The following SKOR2 variants were observed in gnomAD, a reference collection of about 807,000 sequenced individuals.
The protein encoded by SKOR2 is SKI family transcriptional corepressor 2.
A neutral mutation model predicts 69.1 loss-of-function variants in SKOR2; 47 were observed. That is an observed-to-expected ratio of 0.68 (90% CI 0.54 to 0.87). The LOEUF is 0.87. Among genes scored for constraint, SKOR2 ranks in the 40% least tolerant of loss-of-function variants. The pLI is 0.00. For synonymous variants in SKOR2, 717 were observed against 672.6 expected, an observed-to-expected ratio of 1.07 and a Z score of -1.02; for missense variants, 1,404 against 1,472.2, an observed-to-expected ratio of 0.95 and a Z score of 0.76.
At chr18:47,229,627 C>T (rs2064190248) in intron 6 of SKOR2, among the ~76,000 whole-genome samples, 1 of 151,948 alleles carries the variant, frequency 6.6e-6, no homozygotes, top group African/African-American at 2.4e-5. Flanking sequence ...GCACTCCAGC[C>T]TGGGTGACAG....
In SKOR2 at chr18:47,229,865, CAG is replaced by C. The variant is rs371016134; in HGVS notation, c.2917+592_2917+593del. Among the ~76,000 whole-genome samples, 25 of 152,246 alleles carry C rather than the reference CAG, an allele frequency of 1.6e-4. 1 individual carries two copies. The East Asian group carries it at 4.2e-3, about 26-fold the overall frequency. ...TCCAAGACTCTGGGAGTAGAACTAA[CAG>C]TTTTTAGGCTACAATATCTCCTGCC... On this transcript the variant is annotated intron_variant, in intron 6 of 8. Coordinates refer to ENST00000425639, the MANE Select transcript of SKOR2 (RefSeq NM_001278063.4).
At position 47,246,822 on chromosome 18, in the gene SKOR2, G is replaced by A; in HGVS notation, c.2362C>T (p.Leu788Phe). 6.9e-7 allele frequency: 1 copy of A among 1,456,306 alleles called. No homozygotes were observed. Among genetic ancestry groups the A allele is most frequent in the Non-Finnish European group, 9.0e-7 (1 of 1,111,532 alleles). The allele number at this position is 1,456,306 out of a possible 1,614,324, so 90.2% of individuals were successfully genotyped here. A position where few individuals can be genotyped will look rare whatever the true frequency, so the allele number is the denominator to read the frequency against. ...TTCTCCGACGGCCCTCGGCCCTGGAGGAACCGGCCGCCCCCGACTAAGGGG... is the reference window on the plus strand; with the variant it reads ...TTCTCCGACGGCCCTCGGCCCTGGAAGAACCGGCCGCCCCCGACTAAGGGG... ...GDPLVGGGRF[L>F]QGRGPSEKGS... Residue 788 changes from leucine (L) to phenylalanine (F), a missense_variant, in exon 2 of 9, where the codon CTC becomes TTC. By Grantham distance (22) the Leu-to-Phe change is conservative. This residue lies in a region of SKOR2 where 1,266 missense variants were observed against 1,309.9 expected (regional missense o/e 0.97). Coordinates refer to ENST00000425639, the MANE Select transcript of SKOR2 (RefSeq NM_001278063.4).
At chr18:47,224,575 C>A (rs988383965) in intron 6 of SKOR2, among the ~76,000 whole-genome samples, 6 of 151,930 alleles carry the variant, frequency 3.9e-5, no homozygotes, top group Admixed American at 6.5e-5. Context: ...AATTTGTTTA[C>A]AAATGTCTTC....
At chr18:47,226,441 G>A (rs546042305) in intron 6 of SKOR2, among the ~76,000 whole-genome samples, 3 of 152,260 alleles carry the variant, frequency 2.0e-5, no homozygotes, top group African/African-American at 7.2e-5. Context: ...TCATCTCAAA[G>A]TAACCTTGAT....
At position 47,247,053 on chromosome 18, in the gene SKOR2, G is replaced by A. The variant is rs767585298; in HGVS notation, c.2131C>T (p.Pro711Ser). The A allele has an allele frequency of 3.4e-6, 5 of 1,469,262 alleles. No individual in the cohort carries two copies. The South Asian group carries it at 5.2e-5, about 15-fold the overall frequency. The allele number at this position is 1,469,262 out of a possible 1,614,324, so 91.0% of individuals were successfully genotyped here. ...PPPPPPLAQHPHHRGLLSPGG... is the reference protein window; with the variant it reads ...PPPPPPLAQHSHHRGLLSPGG... ...GGAGACAGAAGGCCTCGGTGGTGCG[G>A]GTGCTGGGCCAGAGGGGGCGGCGGG... Residue 711 changes from proline to serine, a missense_variant, in exon 2 of 9, where the codon CCG becomes TCG. Coordinates refer to ENST00000425639, the MANE Select transcript of SKOR2 (RefSeq NM_001278063.4). This position sits in a 1 kb window ranked among gnomAD's most constrained non-coding sequence, Gnocchi z 6.6.
chr18:47,237,810 C>G (rs921659669), intron 4 of SKOR2, among the ~76,000 whole-genome samples: 6 of 151,674 alleles, frequency 4.0e-5, no homozygotes, highest in Non-Finnish European at 7.4e-5. Flanking sequence ...GATCCTCCCA[C>G]TTCAGCCTCC....
At chr18:47,240,393 T>C (rs1028898134) in intron 4 of SKOR2, among the ~76,000 whole-genome samples, 1 of 152,240 alleles carries the variant, frequency 6.6e-6, no homozygotes, top group Non-Finnish European at 1.5e-5. Context: ...GGAAATACTG[T>C]CATTTATATT....
chr18:47,210,191 CAG>C (rs768654127), intron 8 of SKOR2, among the ~76,000 whole-genome samples: 29 of 152,110 alleles, frequency 1.9e-4, no homozygotes, highest in Non-Finnish European at 1.2e-4. Context: ...AGTTCAAAAA[CAG>C]ACAAAGTTTT....
chr18:47,248,422 G>T lies in SKOR2; in HGVS notation c.762C>A (p.His254Gln). ...CGGCCGCCTTCACAGAGCTGAGCGGGTGGCAGGCGGGGTGCGCGCCCGGCT... is the reference window on the plus strand; with the variant it reads ...CGGCCGCCTTCACAGAGCTGAGCGGTTGGCAGGCGGGGTGCGCGCCCGGCT... ...LPQPGAHPAC[H>Q]PLSSVKAAAV... Residue 254 changes from histidine (H) to glutamine (Q), a missense_variant, in exon 2 of 9, where the codon CAC becomes CAA. By Grantham distance (24) the His-to-Gln change is conservative. This residue lies in a region of SKOR2 where 1,266 missense variants were observed against 1,309.9 expected (regional missense o/e 0.97). Coordinates refer to ENST00000425639, the MANE Select transcript of SKOR2 (RefSeq NM_001278063.4). This position sits in a 1 kb window ranked among gnomAD's most constrained non-coding sequence, Gnocchi z 6.4. 6.5e-7 allele frequency: 1 copy of T among 1,532,356 alleles called. No individual in the cohort carries two copies. The allele number at this position is 1,532,356 out of a possible 1,614,324, so 94.9% of individuals were successfully genotyped here.
chr18:47,224,116 C>T (rs996032330), intron 6 of SKOR2, among the ~76,000 whole-genome samples: 1 of 152,000 alleles, frequency 6.6e-6, no homozygotes, highest in Non-Finnish European at 1.5e-5. Context: ...CCATATTGGC[C>T]AGGGTGCTCT....
At chr18:47,250,979 G>C (rs2064309937) in intron 1 of SKOR2, among the ~76,000 whole-genome samples, 2 of 152,078 alleles carry the variant, frequency 1.3e-5, no homozygotes, top group African/African-American at 4.8e-5. Flanking sequence ...TGGCCAGCCG[G>C]GGCGGGAAGC....
chr18:47,239,413 T>C (rs1250296528), intron 4 of SKOR2, among the ~76,000 whole-genome samples: 4 of 152,012 alleles, frequency 2.6e-5, no homozygotes, highest in Non-Finnish European at 5.9e-5. Flanking sequence ...TTAACTCCAT[T>C]AGTGAAAAAA....
In SKOR2 at chr18:47,247,364, A is replaced by G; in HGVS notation, c.1820T>C (p.Leu607Pro). 6.9e-7 allele frequency: 1 copy of G among 1,456,328 alleles called. No individual in the cohort carries two copies. The highest frequency in any genetic ancestry group is 9.0e-7 in the Non-Finnish European group (1 of 1,108,986). The allele number at this position is 1,456,328 out of a possible 1,614,324, so 90.2% of individuals were successfully genotyped here. A position where few individuals can be genotyped will look rare whatever the true frequency, so the allele number is the denominator to read the frequency against. ...ACCGCCCGCTTTGCGCCCCTCCAGA[A>G]GGTGCGGATGGTGGGGCGCCGGAAC... is the stretch of plus-strand genomic sequence containing the variant. ...SRVPAPHHPH[L>P]LEGRKAGGGS... The change falls in exon 2 of 9, where the codon CTT becomes CCT. Residue 607 changes from leucine (L) to proline (P), a missense_variant. This residue lies in a region of SKOR2 where 1,266 missense variants were observed against 1,309.9 expected (regional missense o/e 0.97). Coordinates refer to ENST00000425639, the MANE Select transcript of SKOR2 (RefSeq NM_001278063.4). The surrounding 1 kb of genome is among the most constrained non-coding windows in gnomAD (Gnocchi z 6.6).
At chr18:47,239,619 G>C (rs1357897575) in intron 4 of SKOR2, among the ~76,000 whole-genome samples, 1 of 152,142 alleles carries the variant, frequency 6.6e-6, no homozygotes, top group Non-Finnish European at 1.5e-5. Flanking sequence ...CTGGTCTTGT[G>C]AGTTAATGCT....
chr18:47,219,617 T>C lies in SKOR2; in HGVS notation c.2985+326A>G, dbSNP rs552977098. Among the ~76,000 whole-genome samples the C allele has an allele frequency of 2.6e-5, 4 of 152,322 alleles. No homozygotes were observed. In the South Asian group the frequency reaches 6.2e-4, roughly 24 times the overall value. On this transcript the variant is annotated intron_variant, in intron 7 of 8. Coordinates refer to ENST00000425639, the MANE Select transcript of SKOR2 (RefSeq NM_001278063.4). ...AAGAGAGGATGGAAGACAGTTGCCC[T>C]TCACTGAGCTCGTAGCATAGCCCAG...
Position 47,248,190 on chromosome 18 carries a change from C to T in SKOR2, c.994G>A (p.Ala332Thr). Residue 332 changes from alanine (A) to threonine (T), a missense_variant, in exon 2 of 9, where the codon GCA (alanine) becomes ACA (threonine). By Grantham distance (58) the Ala-to-Thr change is moderately conservative (BLOSUM62 0). This residue lies in a region of SKOR2 where 1,266 missense variants were observed against 1,309.9 expected (regional missense o/e 0.97). Transcript: ENST00000425639. The surrounding 1 kb of genome is among the most constrained non-coding windows in gnomAD (Gnocchi z 6.4). ...GCAGCCACAGAGAGGCTGGCGGCTGCGGCCGAGAGGCTGGCGGCGGCCACT... is the reference window on the plus strand; with the variant it reads ...GCAGCCACAGAGAGGCTGGCGGCTGTGGCCGAGAGGCTGGCGGCGGCCACT... ...AVVAAASLSA[A>T]AASLSVAAAS... is the part of the protein sequence containing the mutation. 8.1e-7 allele frequency: 1 copy of T among 1,231,986 alleles called. No homozygotes were observed. The highest frequency in any genetic ancestry group is 1.0e-6 in the Non-Finnish European group (1 of 990,128). The allele number at this position is 1,231,986 out of a possible 1,614,324, so 76.3% of individuals were successfully genotyped here. A position where few individuals can be genotyped will look rare whatever the true frequency, so the allele number is the denominator to read the frequency against.
rs183221101 is a variant in SKOR2 at position 47,222,729 on chromosome 18, G to T, written c.2918-2719C>A. On this transcript the variant is annotated intron_variant, in intron 6 of 8. Transcript: ENST00000425639. ...AGGGTGGTAAACTAAGATGAATTAG[G>T]AAGGAGGGGCTGCCTGAAGCCGACC... Among the ~76,000 whole-genome samples, 56 of 152,306 alleles carry T rather than the reference G, an allele frequency of 3.7e-4. No individual in the cohort carries two copies. The East Asian group carries it at 8.5e-3, about 23-fold the overall frequency.
rs2064289656 is a variant in SKOR2, at chr18:47,248,003, A to G, written c.1181T>C (p.Val394Ala). The G allele has an allele frequency of 1.4e-6, 2 of 1,427,506 alleles. No individual in the cohort carries two copies. Among genetic ancestry groups the G allele is most frequent in the African/African-American group, 1.5e-5 (1 of 66,926 alleles). The allele number at this position is 1,427,506 out of a possible 1,614,324, so 88.4% of individuals were successfully genotyped here. A position where few individuals can be genotyped will look rare whatever the true frequency, so the allele number is the denominator to read the frequency against. Residue 394 changes from valine to alanine, a missense_variant, in exon 2 of 9, where the codon GTC becomes GCC. Physicochemically the swap from Val to Ala is moderately conservative, Grantham distance 64. Coordinates refer to ENST00000425639, the MANE Select transcript of SKOR2 (RefSeq NM_001278063.4). The surrounding 1 kb of genome is among the most constrained non-coding windows in gnomAD (Gnocchi z 6.4). ...GCCGCAGCCCGGGAACTTCTGCAGG[A>G]CGCCCCCGAACGAGCCCTTGCTGGG... Reference protein sequence around the residue: ...PVPSKGSFGGVLQKFPGCGGL... With the variant: ...PVPSKGSFGGALQKFPGCGGL...
intron 4 of SKOR2, among the ~76,000 whole-genome samples, chr18:47,232,591 G>C (rs1463801551): frequency 6.6e-6 from 1 of 152,148 alleles, no homozygotes; most frequent in Non-Finnish European, 1.5e-5. Flanking sequence ...AGAGTTCCCT[G>C]CACAGGCCTC....
Sources: allele counts gnomAD v4.1 joint callset (sites outside exome capture counted in the v4.1 genomes callset), GRCh38; gene constraint gnomAD v4.1.1; regional missense constraint gnomAD v4.1.1; non-coding constraint Gnocchi (gnomAD v3.1); transcripts MANE v1.5; gene names NCBI Gene and HGNC (gene_info 2026-07-23, HGNC 2026-07-21).